The following KIAA0825 variants were observed in gnomAD, a reference collection of about 807,000 sequenced individuals.
KIAA0825 encodes KIAA0825.
In KIAA0825, 119 loss-of-function variants were observed where a neutral mutation model predicts 147.6. The observed-to-expected ratio is 0.81, with a 90% CI of 0.69 to 0.94. KIAA0825 has a LOEUF of 0.94. Ranked by LOEUF, KIAA0825 falls within the 40% of genes least tolerant of loss-of-function variation. The pLI is 0.00. For synonymous variants in KIAA0825, 470 were observed against 518.1 expected (o/e 0.91, Z 1.26); for missense variants, 1,381 against 1,472.7 (o/e 0.94, Z 1.02).
intron 14 of KIAA0825, among the ~76,000 whole-genome samples, chr5:94,420,558 G>T (rs1754051348): frequency 6.6e-6 from 1 of 152,054 alleles, no homozygotes; most frequent in African/African-American, 2.4e-5. Context: ...CACATATATT[G>T]TCTTGTTACA....
chr5:94,569,276 T>G, intron 2 of KIAA0825: 1 of 277,156 alleles, frequency 3.6e-6, no homozygotes, highest in East Asian at 6.2e-5. Flanking sequence ...AAAACAACCA[T>G]TATACCCCCT....
chr5:94,563,138 G>A (rs191506745), intron 2 of KIAA0825, among the ~76,000 whole-genome samples: 6 of 151,646 alleles, frequency 4.0e-5, no homozygotes, highest in Non-Finnish European at 8.8e-5. Flanking sequence ...TCAGGAGATC[G>A]AGACCGTCCT....
chr5:94,176,987 A>T (rs1386836139), intron 20 of KIAA0825, among the ~76,000 whole-genome samples: 1 of 152,106 alleles, frequency 6.6e-6, no homozygotes. Flanking sequence ...ACAACAGGGA[A>T]ATTACTACAC....
At chr5:94,273,606 T>A (rs1205590256) in intron 20 of KIAA0825, among the ~76,000 whole-genome samples, 1 of 152,100 alleles carries the variant, frequency 6.6e-6, no homozygotes, top group East Asian at 1.9e-4. Flanking sequence ...AGTTAAAATG[T>A]TTATCTATCA....
At chr5:94,251,532 G>A (rs1425799666) in intron 20 of KIAA0825, among the ~76,000 whole-genome samples, 1 of 151,990 alleles carries the variant, frequency 6.6e-6, no homozygotes, top group Non-Finnish European at 1.5e-5. Flanking sequence ...TCAGGAATTA[G>A]GAGGAAAGAA....
In KIAA0825 at chr5:94,296,213, A is replaced by G. The variant is rs527593362; in HGVS notation, c.3710+88155T>C. 7.2e-5 allele frequency among the ~76,000 whole-genome samples: 11 copies of G among 152,218 alleles called. 1 individual carries two copies. The East Asian group carries it at 2.1e-3, about 29-fold the overall frequency. ...TGGCTTTGTTTACACTGTGAGGGGA[A>G]AACTGCCTACTCAAACCTCAGTAAT... On this transcript the variant is annotated intron_variant, in intron 20 of 20. Coordinates refer to ENST00000682413, the MANE Select transcript of KIAA0825 (RefSeq NM_001145678.3).
chr5:94,264,161 T>C (rs985876981), intron 20 of KIAA0825, among the ~76,000 whole-genome samples: 1 of 152,188 alleles, frequency 6.6e-6, no homozygotes, highest in African/African-American at 2.4e-5. Flanking sequence ...TACAATCTTT[T>C]CTGTCTGCCC....
chr5:94,490,870 T>C (rs1763656288), intron 5 of KIAA0825, among the ~76,000 whole-genome samples: 1 of 152,202 alleles, frequency 6.6e-6, no homozygotes, highest in African/African-American at 2.4e-5. Context: ...AAAATAAATC[T>C]AGAGGGACAT....
At chr5:94,423,343 A>C (rs1346356570) in intron 14 of KIAA0825, among the ~76,000 whole-genome samples, 1 of 152,194 alleles carries the variant, frequency 6.6e-6, no homozygotes, top group Non-Finnish European at 1.5e-5. Context: ...AATGTTTTAT[A>C]GATTATACAA....
chr5:94,166,186 C>T (rs1768015483), intron 20 of KIAA0825, among the ~76,000 whole-genome samples: 1 of 152,056 alleles, frequency 6.6e-6, no homozygotes, highest in South Asian at 2.1e-4. Flanking sequence ...AACAAAAAAC[C>T]ACTGTGCTAG....
chr5:94,386,461 A>T, intron 18 of KIAA0825, 57 bp from the exon 19 acceptor site: 9 of 1,402,996 alleles, frequency 6.4e-6, no homozygotes, highest in Non-Finnish European at 8.8e-6. Context: ...TCTCTGTAAA[A>T]ATAAACTGAT....
chr5:94,502,074 G>A (rs1269784755), intron 5 of KIAA0825, among the ~76,000 whole-genome samples: 2 of 152,124 alleles, frequency 1.3e-5, no homozygotes, highest in Non-Finnish European at 2.9e-5. Flanking sequence ...GTGCATTATT[G>A]TGTAAGGGTA....
intron 20 of KIAA0825, among the ~76,000 whole-genome samples, chr5:94,204,324 A>G (rs937813419): frequency 4.6e-5 from 7 of 152,164 alleles, no homozygotes; most frequent in African/African-American, 1.7e-4. Flanking sequence ...TAAAGTAGTT[A>G]CCCAAGACAA....
chr5:94,379,480 C>A (rs1275332037), intron 20 of KIAA0825, among the ~76,000 whole-genome samples: 2 of 152,146 alleles, frequency 1.3e-5, no homozygotes, highest in Non-Finnish European at 2.9e-5. Flanking sequence ...TTGTACCATA[C>A]CATGCTGTTT....
intron 14 of KIAA0825, among the ~76,000 whole-genome samples, chr5:94,421,052 C>T (rs1754119588): frequency 6.6e-6 from 1 of 152,090 alleles, no homozygotes; most frequent in Non-Finnish European, 1.5e-5. Context: ...TTCAGAGTTC[C>T]TTTTTGGCAT....
chr5:94,294,825 C>A (rs915748525), intron 20 of KIAA0825, among the ~76,000 whole-genome samples: 1 of 152,158 alleles, frequency 6.6e-6, no homozygotes, highest in Non-Finnish European at 1.5e-5. Flanking sequence ...TGTGGGTAAC[C>A]CAACCTTTCT....
intron 20 of KIAA0825, among the ~76,000 whole-genome samples, chr5:94,284,406 C>T (rs147426544): frequency 1.8e-3 from 269 of 152,252 alleles, no homozygotes; most frequent in African/African-American, 6.0e-3. Context: ...ACACTGTGCA[C>T]GGCAACTGCC....
intron 13 of KIAA0825, among the ~76,000 whole-genome samples, chr5:94,446,956 A>G (rs1199516273): frequency 6.6e-6 from 1 of 152,166 alleles, no homozygotes; most frequent in African/African-American, 2.4e-5. Flanking sequence ...GTTAAAATTA[A>G]TGAGACTTAG....
intron 2 of KIAA0825, among the ~76,000 whole-genome samples, chr5:94,552,677 A>G (rs556269401): frequency 6.6e-6 from 1 of 152,256 alleles, no homozygotes; most frequent in African/African-American, 2.4e-5. Flanking sequence ...GAAAGATATT[A>G]TGAAGAAAAT....
Sources: gnomAD v4.1 joint callset for allele counts (sites outside exome capture counted in the v4.1 genomes callset) on GRCh38, gnomAD v4.1.1 for gene constraint, MANE v1.5 for transcripts, NCBI Gene and HGNC (gene_info 2026-07-23, HGNC 2026-07-21) for gene names.